The following LIPI variants were observed in gnomAD, a reference collection of about 807,000 sequenced individuals.
The protein encoded by LIPI is lipase I, also known as lipase member I.
A neutral mutation model predicts 50.6 loss-of-function variants in LIPI; 59 were observed. The ratio of observed to expected loss-of-function variants is 1.16; its 90% CI spans 0.94 to 1.45. LIPI has a LOEUF of 1.45. Ranked by LOEUF, LIPI falls within the 40% of genes most tolerant of loss-of-function variation. LIPI has a pLI of 0.00. For missense variants in LIPI, 586 were observed against 536.3 expected (o/e 1.09, Z -0.92); for synonymous variants, 203 against 178.2 (o/e 1.14, Z -1.11).
intron 1 of LIPI, among the ~76,000 whole-genome samples, chr21:14,202,809 C>T (rs1046599116): frequency 5.9e-5 from 9 of 152,056 alleles, no homozygotes; most frequent in Non-Finnish European, 1.0e-4. Flanking sequence ...AAAGCAATGG[C>T]AACAAAAGCC....
In LIPI at chr21:14,185,809, C is replaced by T. The variant is rs187830219; in HGVS notation, c.541+152G>A. ...GAGGCAGGAGAATCACTTAAGCCCA[C>T]GAAGCAGAGGTTGCAGTGAGCCGAG... On this transcript the variant is annotated intron_variant, in intron 3 of 9. Coordinates refer to ENST00000681601, the MANE Select transcript of LIPI (RefSeq NM_001302998.2). 9.4e-4 allele frequency: 526 copies of T among 562,520 alleles called. 1 individual carries two copies. The highest frequency in any genetic ancestry group is 7.2e-3 in the African/African-American group (380 of 52,644). 34.8% of individuals were successfully genotyped at this position (562,520 alleles called of 1,614,324 possible).
chr21:14,140,026 T>G (rs1390162870), intron 9 of LIPI, among the ~76,000 whole-genome samples: 9 of 152,090 alleles, frequency 5.9e-5, no homozygotes, highest in Non-Finnish European at 1.3e-4. Context: ...TTATATGAAG[T>G]GTGAAGGCAA....
chr21:14,141,268 C>A (rs2017696306), intron 9 of LIPI, among the ~76,000 whole-genome samples: 1 of 151,830 alleles, frequency 6.6e-6, no homozygotes, highest in Admixed American at 6.6e-5. Flanking sequence ...ACCCTAAGAC[C>A]CTATTTTCTC....
At chr21:14,166,267 A>C (rs1018323177) in intron 5 of LIPI, 95 bp downstream of exon 5, 1 of 805,342 alleles carries the variant, frequency 1.2e-6, no homozygotes, top group African/African-American at 1.7e-5. Context: ...TGATGAAATC[A>C]AAACACTGCC....
rs145759552 is a variant in LIPI at position 14,120,412 on chromosome 21, C to G, written c.1296-11332G>C. ...TTTGCCACCTTGCATGCTCATGGAG[C>G]CATTTACAAAGAAAGAGAACTGTTA... On this transcript the variant is annotated intron_variant, in intron 9 of 9. Transcript: ENST00000681601. 2.3e-3 allele frequency among the ~76,000 whole-genome samples: 344 copies of G among 152,038 alleles called. 1 individual carries two copies. Among genetic ancestry groups the G allele is most frequent in the African/African-American group, 7.8e-3 (322 of 41,444 alleles).
At chr21:14,137,503 T>C (rs757241894) in intron 9 of LIPI, among the ~76,000 whole-genome samples, 1 of 152,010 alleles carries the variant, frequency 6.6e-6, no homozygotes, top group Non-Finnish European at 1.5e-5. Context: ...AAAGAAGAAT[T>C]AGTGAACTTA....
intron 1 of LIPI, among the ~76,000 whole-genome samples, chr21:14,208,692 C>T (rs1047237362): frequency 6.6e-6 from 1 of 152,202 alleles, no homozygotes; most frequent in Non-Finnish European, 1.5e-5. Flanking sequence ...GGTAACAAAG[C>T]TGAGTAGGTG....
At chr21:14,163,370 C>G (rs754869306) in intron 7 of LIPI, 49 bp downstream of exon 7, 1 of 892,318 alleles carries the variant, frequency 1.1e-6, no homozygotes. Context: ...TAGATTAGTG[C>G]AAAAAAAACT....
At chr21:14,200,072 T>A (rs2019998776) in intron 1 of LIPI, among the ~76,000 whole-genome samples, 1 of 152,130 alleles carries the variant, frequency 6.6e-6, no homozygotes, top group Non-Finnish European at 1.5e-5. Context: ...CTAAAAACTC[T>A]CAATAAACTA....
intron 4 of LIPI, among the ~76,000 whole-genome samples, chr21:14,173,040 G>T (rs1013678574): frequency 1.3e-5 from 2 of 152,154 alleles, no homozygotes; most frequent in African/African-American, 4.8e-5. Context: ...GTCTAGTGAG[G>T]GTGGTAGTTG....
intron 4 of LIPI, among the ~76,000 whole-genome samples, chr21:14,172,029 A>G (rs925961504): frequency 4.6e-5 from 7 of 152,142 alleles, no homozygotes; most frequent in African/African-American, 1.4e-4. Flanking sequence ...AGAAAAAAAC[A>G]AACAACCCCA....
intron 1 of LIPI, among the ~76,000 whole-genome samples, chr21:14,198,563 C>A (rs964454379): frequency 5.3e-5 from 8 of 152,078 alleles, no homozygotes; most frequent in African/African-American, 1.9e-4. Flanking sequence ...ACAAGAAAAT[C>A]TAACCATCCT....
intron 9 of LIPI, among the ~76,000 whole-genome samples, chr21:14,118,929 T>C (rs2246835): frequency 0.68 from 103,547 of 152,066 alleles, 35,493 homozygotes; most frequent in East Asian, 0.94. Flanking sequence ...GTGTTAAAAC[T>C]TTCTGGTGAC....
chr21:14,203,201 T>A (rs1408401829), intron 1 of LIPI, among the ~76,000 whole-genome samples: 2 of 152,056 alleles, frequency 1.3e-5, no homozygotes, highest in African/African-American at 4.8e-5. Flanking sequence ...CTGGAGAGGA[T>A]GTGGAGAAAT....
rs1158718532 is a variant in LIPI, at chr21:14,161,810, TA to T, written c.1006+1608del. Among the ~76,000 whole-genome samples, 71 of 29,286 alleles carry T rather than the reference TA, an allele frequency of 2.4e-3. 7 individuals are homozygous for T. The highest frequency in any genetic ancestry group is 0.011 in the African/African-American group (49 of 4,458). The allele number at this position is 29,286 out of a possible 152,430, so 19.2% of individuals were successfully genotyped here. On this transcript the variant is annotated intron_variant, in intron 7 of 9. Coordinates refer to ENST00000681601, the MANE Select transcript of LIPI (RefSeq NM_001302998.2). ...ATATACATTATTATATATTAATGTA[TA>T]ATATATACAAATATATATTAATATA...
chr21:14,165,199 A>G (rs1376245695), intron 6 of LIPI, 24 bp downstream of exon 6: 2 of 1,526,034 alleles, frequency 1.3e-6, no homozygotes, highest in Non-Finnish European at 1.8e-6. Context: ...TAAGAATGAT[A>G]GTAACTATAA....
In LIPI at chr21:14,210,890, G is replaced by C. The variant is rs1269033882; in HGVS notation, c.-45C>G. The stretch of plus-strand genomic sequence containing the variant: ...AAAACAGCACTCAATTCACCAAAAA[G>C]GAAATTCCGTAACTCATTGAGGTTT... On this transcript the variant is annotated 5_prime_UTR_variant, in exon 1 of 10. Transcript: ENST00000681601. 3.4e-6 allele frequency: 4 copies of C among 1,188,310 alleles called. No homozygotes were observed. Among genetic ancestry groups the C allele is most frequent in the Non-Finnish European group, 4.2e-6 (4 of 944,822 alleles). The allele number at this position is 1,188,310 out of a possible 1,614,324, so 73.6% of individuals were successfully genotyped here.
In LIPI at chr21:14,203,336, A is replaced by G. The variant is rs141267583; in HGVS notation, c.46+7464T>C. On this transcript the variant is annotated intron_variant, in intron 1 of 9. Coordinates refer to ENST00000681601, the MANE Select transcript of LIPI (RefSeq NM_001302998.2). ...TGACCCAGCAATCCCATTACTGGGT[A>G]TATACCCAAAGGATTATAAATCATG... is the stretch of plus-strand genomic sequence containing the variant. Among the ~76,000 whole-genome samples the G allele has an allele frequency of 7.6e-3, 1,162 of 152,296 alleles. 18 individuals are homozygous for G. Among genetic ancestry groups the G allele is most frequent in the African/African-American group, 0.025 (1,058 of 41,548 alleles).
intron 9 of LIPI, among the ~76,000 whole-genome samples, chr21:14,139,211 T>A (rs985223989): frequency 6.6e-6 from 1 of 152,110 alleles, no homozygotes; most frequent in African/African-American, 2.4e-5. Flanking sequence ...TATTAGTGTA[T>A]TTTATTATTA....
Sources: allele counts gnomAD v4.1 joint callset (sites outside exome capture counted in the v4.1 genomes callset), GRCh38; gene constraint gnomAD v4.1.1; transcripts MANE v1.5; gene names NCBI Gene and HGNC (gene_info 2026-07-23, HGNC 2026-07-21).